WAPL: variants seen among roughly 807,000 people sequenced by gnomAD.
WAPL encodes the protein WAPL cohesin release factor.
A neutral mutation model predicts 121.0 loss-of-function variants in WAPL; 5 were observed. That is an observed-to-expected ratio of 0.04 (90% CI 0.02 to 0.09). The LOEUF (loss-of-function observed/expected upper bound fraction) is 0.09. Among genes scored for constraint, WAPL ranks in the 10% least tolerant of loss-of-function variants. WAPL has a pLI of 1.00. For missense variants in WAPL, 999 were observed against 1,410.8 expected (o/e 0.71, Z 4.68); for synonymous variants, 480 against 481.5 (o/e 1.00, Z 0.04).
intron 4 of WAPL, among the ~76,000 whole-genome samples, chr10:86,496,936 T>C (rs570202275): frequency 5.9e-5 from 9 of 152,134 alleles, no homozygotes; most frequent in African/African-American, 2.2e-4. Context: ...TTGGATATGA[T>C]AAAAAGGTTT....
At position 86,521,505 on chromosome 10, in the gene WAPL, C is replaced by A; in HGVS notation, c.-163G>T. On this transcript the variant is annotated 5_prime_UTR_variant, in exon 1 of 19. Transcript: ENST00000298767. ...CGAGAGAGGCGAGGGACTCTGCTTT[C>A]GGTAAATAGGAAGCCCGGTTGGGGG... 2.8e-6 allele frequency: 1 copy of A among 355,504 alleles called. No individual in the cohort carries two copies. The highest frequency in any genetic ancestry group is 2.2e-5 in the South Asian group (1 of 46,338). The allele number at this position is 355,504 out of a possible 1,614,324, so 22.0% of individuals were successfully genotyped here.
At chr10:86,453,406 T>A in intron 13 of WAPL, 71 bp from the exon 14 acceptor site, 1 of 1,460,112 alleles carries the variant, frequency 6.8e-7, no homozygotes, top group Non-Finnish European at 9.5e-7. Flanking sequence ...GGAGATTTAT[T>A]AACATGGATA....
rs1849335064 is a variant in WAPL at position 86,436,817 on chromosome 10, T to C, written c.*726A>G. ...TCTTATATAATATTCTCTCAAACTG[T>C]TGTTTTTCTTGTGCCTATAGCTATG... On this transcript the variant is annotated 3_prime_UTR_variant, in exon 19 of 19. Coordinates refer to ENST00000298767, the MANE Select transcript of WAPL (RefSeq NM_015045.5). 6.6e-6 allele frequency: 1 copy of C among 152,660 alleles called. No homozygotes were observed. The highest frequency in any genetic ancestry group is 2.1e-4 in the South Asian group (1 of 4,834). 9.5% of individuals were successfully genotyped at this position (152,660 alleles called of 1,614,324 possible).
rs1303779913 is a variant in WAPL at position 86,435,593 on chromosome 10, C to T, written c.*1950G>A. The stretch of plus-strand genomic sequence containing the variant: ...CAGTTGGTGAAGTGATTATCTCCCC[C>T]ACCACCTCCCCCCACCAAAATCTGC... On this transcript the variant is annotated 3_prime_UTR_variant, in exon 19 of 19. Transcript: ENST00000298767. The T allele has an allele frequency of 6.6e-6, 1 of 152,462 alleles. No individual in the cohort carries two copies. Among genetic ancestry groups the T allele is most frequent in the Non-Finnish European group, 1.5e-5 (1 of 68,006 alleles). 9.4% of individuals were successfully genotyped at this position (152,462 alleles called of 1,614,324 possible).
At chr10:86,459,399 A>C (rs1841220427) in intron 11 of WAPL, among the ~76,000 whole-genome samples, 1 of 152,246 alleles carries the variant, frequency 6.6e-6, no homozygotes, top group African/African-American at 2.4e-5. Flanking sequence ...ATTCATTTAG[A>C]ACACATTTTT....
chr10:86,507,305 T>C (rs983768371), intron 2 of WAPL, among the ~76,000 whole-genome samples: 16 of 135,070 alleles, frequency 1.2e-4, no homozygotes, highest in African/African-American at 4.3e-4. Context: ...GAGGCAGAGG[T>C]TGCAGTCAGC....
At chr10:86,478,220 A>G (rs1841704034) in intron 4 of WAPL, among the ~76,000 whole-genome samples, 1 of 152,114 alleles carries the variant, frequency 6.6e-6, no homozygotes, top group African/African-American at 2.4e-5. Flanking sequence ...TCTTGCGCCC[A>G]GGAGTTTGAG....
chr10:86,472,902 G>C lies in WAPL; in HGVS notation c.1741-138C>G. The C allele has an allele frequency of 3.6e-6, 3 of 833,114 alleles. No individual in the cohort carries two copies. The highest frequency in any genetic ancestry group is 2.2e-5 in the South Asian group (1 of 45,016). 51.6% of individuals were successfully genotyped at this position (833,114 alleles called of 1,614,324 possible). ...GCAGGGAGCAGGGAGGCCTCTCAAA[G>C]GTCTTTAGAAATACTTTGAATTCCA... On this transcript the variant is annotated intron_variant, in intron 5 of 18. Transcript: ENST00000298767. The surrounding 1 kb of genome is among the most constrained non-coding windows in gnomAD (Gnocchi z 4.2).
At chr10:86,465,631 G>C (rs2114833) in intron 9 of WAPL, among the ~76,000 whole-genome samples, 146,519 of 152,356 alleles carry the variant, frequency 0.96, 70,598 homozygotes, top group East Asian at 1. Context: ...GATGTACACT[G>C]CAATAGCCCT....
intron 15 of WAPL, 109 bp from the exon 16 acceptor site, chr10:86,446,558 G>T: frequency 8.3e-7 from 1 of 1,211,584 alleles, no homozygotes; most frequent in Non-Finnish European, 1.1e-6. Context: ...ACTCTAAGAT[G>T]GTTATGTGAT....
intron 1 of WAPL, among the ~76,000 whole-genome samples, chr10:86,520,188 C>G (rs10788513): frequency 0.96 from 145,593 of 152,254 alleles, 69,739 homozygotes; most frequent in East Asian, 1. Context: ...CCAGCTACTC[C>G]GGAGGCTGGG....
In WAPL at chr10:86,510,765, G is replaced by A. The variant is rs190374046; in HGVS notation, c.499+6806C>T. ...TTATATACACATATGAAAATAAGTA[G>A]TAGAAAATATCTATAAAAATCAAGT... On this transcript the variant is annotated intron_variant, in intron 2 of 18. Transcript: ENST00000298767. 1.4e-3 allele frequency among the ~76,000 whole-genome samples: 216 copies of A among 152,282 alleles called. 1 individual carries two copies. The highest frequency in any genetic ancestry group is 2.0e-3 in the Non-Finnish European group (138 of 68,028).
intron 12 of WAPL, among the ~76,000 whole-genome samples, chr10:86,456,284 C>T (rs1295379124): frequency 1.3e-5 from 2 of 151,938 alleles, no homozygotes; most frequent in Non-Finnish European, 2.9e-5. Context: ...GGTGGTTCTA[C>T]CCTAATAAGG....
intron 4 of WAPL, among the ~76,000 whole-genome samples, chr10:86,477,986 C>T (rs1238796493): frequency 3.4e-5 from 5 of 148,596 alleles, no homozygotes; most frequent in Non-Finnish European, 1.5e-5. Flanking sequence ...ACCCGGGAGG[C>T]GGAGGTTGCA....
At chr10:86,444,741 A>C (rs1283205705) in intron 16 of WAPL, among the ~76,000 whole-genome samples, 1 of 152,130 alleles carries the variant, frequency 6.6e-6, no homozygotes, top group East Asian at 1.9e-4. Context: ...AATATTTGGA[A>C]TTAGTGGTGA....
At chr10:86,469,292 G>A (rs1381785119) in intron 8 of WAPL, among the ~76,000 whole-genome samples, 3 of 532 alleles carry the variant, frequency 5.6e-3, no homozygotes, top group African/African-American at 0.077. Flanking sequence ...TCGCTCTGTC[G>A]CCCAGGCTGG....
chr10:86,485,267 G>T (rs1440997734), intron 4 of WAPL, among the ~76,000 whole-genome samples: 1 of 152,074 alleles, frequency 6.6e-6, no homozygotes, highest in African/African-American at 2.4e-5. Flanking sequence ...ATTAGGCAGG[G>T]CACGGTAGCT....
rs1842222800 is a variant in WAPL at position 86,500,291 on chromosome 10, T to C, written c.952A>G (p.Thr318Ala). The C allele has an allele frequency of 4.3e-6, 7 of 1,614,240 alleles. No individual in the cohort carries two copies. Among genetic ancestry groups the C allele is most frequent in the Non-Finnish European group, 5.9e-6 (7 of 1,180,046 alleles). Reference protein sequence around the residue: ...ASNFDKLMDGTSQALAKANSE... With the variant: ...ASNFDKLMDGASQALAKANSE... ...TTTGCTTTGGCTAAGGCCTGACTGGTGCCGTCCATCAGCTTATCAAAATTT... is the reference window on the plus strand; with the variant it reads ...TTTGCTTTGGCTAAGGCCTGACTGGCGCCGTCCATCAGCTTATCAAAATTT... The change falls in exon 3 of 19, where the codon ACC (threonine) becomes GCC (alanine). Residue 318 changes from threonine to alanine, a missense_variant. Thr to Ala is a moderately conservative substitution (Grantham distance 58). Around this residue, in one of 7 missense-constraint regions of WAPL, gnomAD observed 531 missense variants for 563.1 expected, o/e 0.94. Coordinates refer to ENST00000298767, the MANE Select transcript of WAPL (RefSeq NM_015045.5).
In WAPL at chr10:86,467,676, A is replaced by AT. The variant is rs758088662; in HGVS notation, c.2143-171dup. ...TTTTATTCAGCGGTCCCTCTAAAAA[A>AT]TTTTTTTTTTTTTTTTTTGAGATGG... On this transcript the variant is annotated intron_variant, in intron 8 of 18. Coordinates refer to ENST00000298767, the MANE Select transcript of WAPL (RefSeq NM_015045.5). Among the ~76,000 whole-genome samples the AT allele has an allele frequency of 4.7e-3, 675 of 143,562 alleles. 3 individuals carry two copies. Among genetic ancestry groups the AT allele is most frequent in the African/African-American group, 0.013 (489 of 38,828 alleles). 94.2% of individuals were successfully genotyped at this position (143,562 alleles called of 152,430 possible). A position where few individuals can be genotyped will look rare whatever the true frequency, so the allele number is the denominator to read the frequency against.
Sources: gnomAD v4.1 joint callset for allele counts (sites outside exome capture counted in the v4.1 genomes callset) on GRCh38, gnomAD v4.1.1 for gene constraint, gnomAD v4.1.1 regional missense constraint, Gnocchi (gnomAD v3.1) non-coding constraint, MANE v1.5 for transcripts, NCBI Gene and HGNC (gene_info 2026-07-23, HGNC 2026-07-21) for gene names.